CRTAC1: variants seen among roughly 807,000 people sequenced by gnomAD.
CRTAC1 encodes the protein cartilage acidic protein 1.
CRTAC1 carries 37 observed loss-of-function variants against 67.8 expected under a neutral mutation model. The observed-to-expected ratio is 0.55, with a 90% CI of 0.42 to 0.72. The LOEUF (loss-of-function observed/expected upper bound fraction) is 0.72, where lower values mean the gene tolerates loss of function less well. Ranked by LOEUF, CRTAC1 falls within the 30% of genes least tolerant of loss-of-function variation. The pLI, the probability that CRTAC1 is intolerant of heterozygous loss-of-function variation, is 0.00. For missense variants in CRTAC1, 780 were observed against 931.6 expected (o/e 0.84, Z 2.12); for synonymous variants, 348 against 371.0 (o/e 0.94, Z 0.71).
At chr10:98,020,690 A>G (rs1386779161) in intron 1 of CRTAC1, among the ~76,000 whole-genome samples, 1 of 152,248 alleles carries the variant, frequency 6.6e-6, no homozygotes, top group Non-Finnish European at 1.5e-5. Context: ...AGAGTGTTCC[A>G]GGCTGAGGGG....
chr10:97,988,993 G>T (rs2052029880), intron 2 of CRTAC1, among the ~76,000 whole-genome samples: 1 of 152,194 alleles, frequency 6.6e-6, no homozygotes, highest in African/African-American at 2.4e-5. Context: ...CATGCAATCT[G>T]TTGAGGGCAT....
At chr10:97,930,189 T>G (rs576586986) in intron 3 of CRTAC1, among the ~76,000 whole-genome samples, 7 of 152,208 alleles carry the variant, frequency 4.6e-5, no homozygotes, top group Admixed American at 1.3e-4. Flanking sequence ...TGTGAGGTGG[T>G]CTGTCTGTTG....
chr10:97,904,620 C>T (rs940650735), intron 7 of CRTAC1, 49 bp downstream of exon 7: 3 of 1,464,914 alleles, frequency 2.0e-6, no homozygotes, highest in Admixed American at 5.2e-5. Context: ...AGGGTTTTGC[C>T]ATGTTGGACA....
intron 2 of CRTAC1, among the ~76,000 whole-genome samples, chr10:98,005,096 ATATATTTTTT>A (rs1372450962): frequency 2.6e-3 from 86 of 33,008 alleles, no homozygotes; most frequent in African/African-American, 9.2e-3. Context: ...ATATATATAT[ATATATTTTTT>A]TTTTTTTTTT....
At chr10:97,985,768 C>A (rs1025690318) in intron 2 of CRTAC1, among the ~76,000 whole-genome samples, 1 of 152,198 alleles carries the variant, frequency 6.6e-6, no homozygotes, top group Non-Finnish European at 1.5e-5. Context: ...GGGAAAACCA[C>A]GTGCATGCAT....
intron 2 of CRTAC1, among the ~76,000 whole-genome samples, chr10:97,967,104 T>G (rs1271246481): frequency 6.6e-6 from 1 of 152,044 alleles, no homozygotes; most frequent in Non-Finnish European, 1.5e-5. Flanking sequence ...TCGACATCAA[T>G]TATTTGGAAT....
intron 2 of CRTAC1, among the ~76,000 whole-genome samples, chr10:97,991,456 A>C (rs1174159306): frequency 2.0e-5 from 3 of 151,728 alleles, no homozygotes; most frequent in Non-Finnish European, 4.4e-5. Flanking sequence ...ATAAGATAAA[A>C]AGAAAAAAGT....
At chr10:97,946,323 C>T (rs2051262921) in intron 2 of CRTAC1, among the ~76,000 whole-genome samples, 1 of 152,162 alleles carries the variant, frequency 6.6e-6, no homozygotes, top group African/African-American at 2.4e-5. Flanking sequence ...ATGTGGTCAG[C>T]ACTTCCTTTT....
At chr10:97,931,714 A>C (rs1455101240) in intron 3 of CRTAC1, among the ~76,000 whole-genome samples, 1 of 152,232 alleles carries the variant, frequency 6.6e-6, no homozygotes, top group Non-Finnish European at 1.5e-5. Context: ...GGTGGGGCTC[A>C]CAGTTCACAC....
chr10:98,026,373 TTTCTCATAGTCTAATGCCAC>T (rs1843233197), intron 1 of CRTAC1, among the ~76,000 whole-genome samples: 1 of 152,178 alleles, frequency 6.6e-6, no homozygotes, highest in Admixed American at 6.5e-5. Flanking sequence ...CAATTTCCTG[TTTCTCATAGTCTAATGCCAC>T]TTCTCAAGCT....
chr10:97,950,719 T>A (rs2051341800), intron 2 of CRTAC1, among the ~76,000 whole-genome samples: 1 of 152,152 alleles, frequency 6.6e-6, no homozygotes, highest in African/African-American at 2.4e-5. Context: ...GAAAGGCCAT[T>A]TTCAGATCAG....
At chr10:97,974,355 C>G (rs2051764315) in intron 2 of CRTAC1, among the ~76,000 whole-genome samples, 1 of 152,174 alleles carries the variant, frequency 6.6e-6, no homozygotes, top group Non-Finnish European at 1.5e-5. Context: ...TTTGTCTCAT[C>G]TCAACACCGA....
rs1382304530 is a variant in CRTAC1 at position 97,898,594 on chromosome 10, G to A, written c.1134-1603C>T. Among the ~76,000 whole-genome samples, 5 of 152,212 alleles carry A rather than the reference G, an allele frequency of 3.3e-5. 1 individual carries two copies. Among genetic ancestry groups the A allele is most frequent in the Admixed American group, 2.6e-4 (4 of 15,282 alleles). ...GCAGCCAAGCTGGGCTATGTGGATT[G>A]TGTCAAAGAGTTTGGACTTCATCCA... On this transcript the variant is annotated intron_variant, in intron 8 of 14. Transcript: ENST00000370597.
In CRTAC1 at chr10:98,030,308, A is replaced by G; in HGVS notation, c.24+141T>C. 2.0e-6 allele frequency: 1 copy of G among 501,322 alleles called. No homozygotes were observed. Among genetic ancestry groups the G allele is most frequent in the Non-Finnish European group, 3.2e-6 (1 of 312,782 alleles). 31.1% of individuals were successfully genotyped at this position (501,322 alleles called of 1,614,324 possible). A position where few individuals can be genotyped will look rare whatever the true frequency, so the allele number is the denominator to read the frequency against. On this transcript the variant is annotated intron_variant, in intron 1 of 14. Coordinates refer to ENST00000370597, the MANE Select transcript of CRTAC1 (RefSeq NM_018058.7). This position sits in a 1 kb window ranked among gnomAD's most constrained non-coding sequence, Gnocchi z 4.2. ...AGCGCCTCCCAGCAAGTTAGGAGCG[A>G]AGCCGCCGCCTTCGCGATCCCAGTC...
At chr10:97,903,560 G>T (rs1398165339) in intron 7 of CRTAC1, among the ~76,000 whole-genome samples, 1 of 151,966 alleles carries the variant, frequency 6.6e-6, no homozygotes, top group Non-Finnish European at 1.5e-5. Context: ...ACTTGGTAGG[G>T]GTGGCCTCTT....
In CRTAC1 at chr10:97,992,733, T is replaced by C. The variant is rs1842485471; in HGVS notation, c.224+18405A>G. Among the ~76,000 whole-genome samples, 5 of 152,304 alleles carry C rather than the reference T, an allele frequency of 3.3e-5. No homozygotes were observed. In the South Asian group the frequency reaches 1.0e-3, roughly 32 times the overall value. ...CATAATCTTACCTACATATAGAATC[T>C]AAAAAAGTTGAATTTATAGAAGTGG... On this transcript the variant is annotated intron_variant, in intron 2 of 14. Transcript: ENST00000370597.
At chr10:97,924,748 T>A (rs1483203608) in intron 3 of CRTAC1, among the ~76,000 whole-genome samples, 1 of 152,214 alleles carries the variant, frequency 6.6e-6, no homozygotes, top group African/African-American at 2.4e-5. Flanking sequence ...GAATGATTTT[T>A]CTCATGTTAT....
intron 2 of CRTAC1, among the ~76,000 whole-genome samples, chr10:97,952,730 C>A (rs1457228546): frequency 6.6e-6 from 1 of 152,066 alleles, no homozygotes; most frequent in Non-Finnish European, 1.5e-5. Flanking sequence ...GACCAGTTGA[C>A]ACATGGTGCT....
intron 3 of CRTAC1, among the ~76,000 whole-genome samples, chr10:97,933,158 T>C (rs1306601435): frequency 6.6e-6 from 1 of 152,226 alleles, no homozygotes; most frequent in East Asian, 1.9e-4. Context: ...AAGGAAGTGC[T>C]GACATGGCAC....
Sources: allele counts gnomAD v4.1 joint callset (sites outside exome capture counted in the v4.1 genomes callset), GRCh38; gene constraint gnomAD v4.1.1; non-coding constraint Gnocchi (gnomAD v3.1); transcripts MANE v1.5; gene names NCBI Gene and HGNC (gene_info 2026-07-23, HGNC 2026-07-21).